The following PTPRD variants were observed in gnomAD, a reference collection of about 807,000 sequenced individuals.
PTPRD encodes receptor-type tyrosine-protein phosphatase delta.
A neutral mutation model predicts 214.5 loss-of-function variants in PTPRD; 34 were observed. The ratio of observed to expected loss-of-function variants is 0.16; its 90% CI spans 0.12 to 0.21. PTPRD has a LOEUF of 0.21. Ranked by LOEUF, PTPRD falls within the 10% of genes least tolerant of loss-of-function variation. PTPRD has a pLI of 1.00. For synonymous variants in PTPRD, 1,128 were observed against 845.7 expected, an observed-to-expected ratio of 1.33 and a Z score of -5.79; for missense variants, 2,545 against 2,398.7, an observed-to-expected ratio of 1.06 and a Z score of -1.27.
At chr9:10,551,711 T>A (rs2061405242) in intron 2 of PTPRD, among the ~76,000 whole-genome samples, 1 of 152,194 alleles carries the variant, frequency 6.6e-6, no homozygotes, top group Non-Finnish European at 1.5e-5. Flanking sequence ...GTCTATGGCA[T>A]TTTGCTACAG....
chr9:10,142,619 G>T (rs954772614), intron 3 of PTPRD, among the ~76,000 whole-genome samples: 13 of 149,090 alleles, frequency 8.7e-5, no homozygotes, highest in African/African-American at 2.7e-4. Context: ...AAAAAGTCAG[G>T]AAACAACAGG....
intron 11 of PTPRD, among the ~76,000 whole-genome samples, chr9:8,995,380 T>G (rs1369735359): frequency 1.3e-5 from 2 of 152,046 alleles, no homozygotes; most frequent in Non-Finnish European, 2.9e-5. Context: ...ATCCTCCAAG[T>G]TGATATTAAG....
intron 5 of PTPRD, among the ~76,000 whole-genome samples, chr9:9,791,468 C>T (rs1175920748): frequency 1.3e-5 from 2 of 151,994 alleles, no homozygotes; most frequent in African/African-American, 4.8e-5. Flanking sequence ...ATTTCAATAT[C>T]AGGGCTCATC....
intron 8 of PTPRD, among the ~76,000 whole-genome samples, chr9:9,556,692 A>T (rs1001302419): frequency 6.6e-6 from 1 of 152,162 alleles, no homozygotes; most frequent in Non-Finnish European, 1.5e-5. Context: ...CTGAGAGCTA[A>T]CACAACCCAA....
chr9:10,123,154 G>A (rs1474884871), intron 3 of PTPRD, among the ~76,000 whole-genome samples: 1 of 152,208 alleles, frequency 6.6e-6, no homozygotes, highest in Non-Finnish European at 1.5e-5. Flanking sequence ...GACAGTAGAC[G>A]TTCCCTGAAG....
At chr9:8,923,665 T>C (rs1442208695) in intron 11 of PTPRD, among the ~76,000 whole-genome samples, 1 of 152,192 alleles carries the variant, frequency 6.6e-6, no homozygotes, top group Non-Finnish European at 1.5e-5. Flanking sequence ...AGTTTAACAA[T>C]CTTAAATCTC....
chr9:8,681,536 C>T (rs938467370), intron 12 of PTPRD, among the ~76,000 whole-genome samples: 12 of 152,220 alleles, frequency 7.9e-5, no homozygotes, highest in African/African-American at 2.4e-4. Flanking sequence ...GCTTTTGTCC[C>T]TCAATCTGTA....
chr9:10,571,827 G>C (rs1433848430), intron 2 of PTPRD, among the ~76,000 whole-genome samples: 2 of 152,048 alleles, frequency 1.3e-5, no homozygotes, highest in Non-Finnish European at 2.9e-5. Context: ...GTTCACAATA[G>C]GGTTCATGCT....
At chr9:9,697,239 G>T (rs1033756437) in intron 7 of PTPRD, among the ~76,000 whole-genome samples, 3 of 151,974 alleles carry the variant, frequency 2.0e-5, no homozygotes, top group Non-Finnish European at 2.9e-5. Context: ...TTAGAATATT[G>T]TGAGTTTGTC....
intron 2 of PTPRD, among the ~76,000 whole-genome samples, chr9:10,459,984 A>G (rs1047405414): frequency 6.6e-6 from 1 of 152,086 alleles, no homozygotes; most frequent in Non-Finnish European, 1.5e-5. Context: ...TAACAATTTT[A>G]AGTGTACAGT....
chr9:10,350,098 C>T (rs534009729), intron 2 of PTPRD, among the ~76,000 whole-genome samples: 37 of 152,320 alleles, frequency 2.4e-4, no homozygotes, highest in Admixed American at 1.8e-3. Flanking sequence ...TTAGACAATA[C>T]TTCACTAATT....
intron 7 of PTPRD, among the ~76,000 whole-genome samples, chr9:9,596,679 T>C (rs1220904694): frequency 1.3e-5 from 2 of 152,118 alleles, no homozygotes; most frequent in East Asian, 3.9e-4. Flanking sequence ...AAAGACTTGA[T>C]TGTGTAAATC....
At chr9:9,627,670 T>C (rs888199118) in intron 7 of PTPRD, among the ~76,000 whole-genome samples, 3 of 152,086 alleles carry the variant, frequency 2.0e-5, no homozygotes, top group Non-Finnish European at 4.4e-5. Context: ...TAAAGACTAA[T>C]AGGAGACAGT....
At chr9:9,651,698 G>A (rs959565879) in intron 7 of PTPRD, among the ~76,000 whole-genome samples, 4 of 151,930 alleles carry the variant, frequency 2.6e-5, no homozygotes, top group African/African-American at 9.7e-5. Flanking sequence ...GTGCTGCAAT[G>A]AACATATGTG....
At position 8,873,071 on chromosome 9, in the gene PTPRD, C is replaced by T. The variant is rs117728651; in HGVS notation, c.-103-139125G>A. Among the ~76,000 whole-genome samples the T allele has an allele frequency of 2.2e-4, 34 of 152,286 alleles. No individual in the cohort carries two copies. In the East Asian group the frequency reaches 5.6e-3, roughly 25 times the overall value. ...GTCACTGTGTACAGTGTTACTGCAG[C>T]GATATGCCCTGAGACTTCTAATCTG... On this transcript the variant is annotated intron_variant, in intron 11 of 45. Coordinates refer to ENST00000381196, the MANE Select transcript of PTPRD (RefSeq NM_002839.4).
chr9:9,409,175 G>T (rs2074540140), intron 8 of PTPRD, among the ~76,000 whole-genome samples: 1 of 151,846 alleles, frequency 6.6e-6, no homozygotes, highest in South Asian at 2.1e-4. Context: ...GCTTATCTCA[G>T]TATACTGTTC....
At chr9:9,043,356 T>C (rs961756375) in intron 10 of PTPRD, among the ~76,000 whole-genome samples, 19 of 152,178 alleles carry the variant, frequency 1.2e-4, no homozygotes, top group African/African-American at 4.6e-4. Context: ...TTTGTTAGTC[T>C]ATACCACCTA....
intron 9 of PTPRD, among the ~76,000 whole-genome samples, chr9:9,380,486 T>C (rs1391508336): frequency 6.6e-6 from 1 of 152,138 alleles, no homozygotes; most frequent in Non-Finnish European, 1.5e-5. Context: ...CCTCATATTT[T>C]AGAATTTTCC....
chr9:8,587,999 C>G (rs1367781535), intron 14 of PTPRD, among the ~76,000 whole-genome samples: 4 of 152,200 alleles, frequency 2.6e-5, no homozygotes, highest in Non-Finnish European at 4.4e-5. Flanking sequence ...AATCTACCAG[C>G]CAATGGGCAA....
Sources: allele counts gnomAD v4.1 joint callset (sites outside exome capture counted in the v4.1 genomes callset), GRCh38; gene constraint gnomAD v4.1.1; transcripts MANE v1.5; gene names NCBI Gene and HGNC (gene_info 2026-07-23, HGNC 2026-07-21).